HHAT: variants seen among roughly 807,000 people sequenced by gnomAD.
The protein encoded by HHAT is protein-cysteine N-palmitoyltransferase HHAT.
Under a neutral mutation model 70.8 loss-of-function variants are expected in HHAT, and 47 were observed. That is an observed-to-expected ratio of 0.66 (90% CI 0.53 to 0.85). The LOEUF (loss-of-function observed/expected upper bound fraction) is 0.85, where lower values mean the gene tolerates loss of function less well. HHAT is among the 40% of genes least tolerant of loss of function. The pLI is 0.00. For synonymous variants in HHAT, 228 were observed against 247.6 expected (o/e 0.92, Z 0.74); for missense variants, 609 against 604.8 (o/e 1.01, Z -0.07).
chr1:210,474,041 C>A (rs570096949), intron 8 of HHAT, among the ~76,000 whole-genome samples: 1 of 152,258 alleles, frequency 6.6e-6, no homozygotes, highest in South Asian at 2.1e-4. Context: ...TGCCTTTAGT[C>A]ATCAGCTGAG....
intron 9 of HHAT, among the ~76,000 whole-genome samples, chr1:210,549,907 T>C (rs1352637956): frequency 6.7e-6 from 1 of 148,790 alleles, no homozygotes. Context: ...CTCACTTGCA[T>C]TCTGCCTTTC....
chr1:210,497,816 A>T lies in HHAT; in HGVS notation c.1008-15337A>T, dbSNP rs7515347. ...AGTCTGGCTCTGTTGCCCAGGCTGG[A>T]GTGCAGTGGCGCAATCTTGACTCAC... On this transcript the variant is annotated intron_variant, in intron 8 of 11. Coordinates refer to ENST00000261458, the MANE Select transcript of HHAT (RefSeq NM_018194.6). Among the ~76,000 whole-genome samples, 1,245 of 147,684 alleles carry T rather than the reference A, an allele frequency of 8.4e-3. 22 individuals are homozygous for T. The highest frequency in any genetic ancestry group is 0.03 in the African/African-American group (1,168 of 39,570).
chr1:210,516,722 G>C (rs1023084367), intron 9 of HHAT, among the ~76,000 whole-genome samples: 1 of 149,112 alleles, frequency 6.7e-6, no homozygotes, highest in South Asian at 2.1e-4. Flanking sequence ...TGTATTGAAT[G>C]CTTAGTGTTT....
chr1:210,418,066 T>G, intron 6 of HHAT, 88 bp from the exon 7 acceptor site: 1 of 1,256,248 alleles, frequency 8.0e-7, no homozygotes, highest in Non-Finnish European at 1.2e-6. Context: ...AGCAATAATA[T>G]TTGTGGGAAG....
chr1:210,430,374 T>G (rs7556076), intron 7 of HHAT, among the ~76,000 whole-genome samples: 127,072 of 151,662 alleles, frequency 0.84, 53,458 homozygotes, highest in African/African-American at 0.86. Context: ...TACTACAGGG[T>G]TGTTATTGTT....
chr1:210,492,845 A>G (rs2094572769), intron 8 of HHAT, among the ~76,000 whole-genome samples: 1 of 152,130 alleles, frequency 6.6e-6, no homozygotes, highest in Admixed American at 6.6e-5. Context: ...TGATCTCTGA[A>G]TTCTACTCTG....
At chr1:210,629,614 G>A (rs904654088) in intron 11 of HHAT, among the ~76,000 whole-genome samples, 4 of 152,222 alleles carry the variant, frequency 2.6e-5, no homozygotes, top group East Asian at 1.9e-4. Flanking sequence ...TAAAGTCAAG[G>A]TGTTGGCAAG....
chr1:210,388,912 G>C (rs868780230), intron 4 of HHAT, among the ~76,000 whole-genome samples: 4 of 152,084 alleles, frequency 2.6e-5, no homozygotes, highest in Non-Finnish European at 4.4e-5. Context: ...CTCTGTGAGG[G>C]GAAGATGATG....
intron 7 of HHAT, among the ~76,000 whole-genome samples, chr1:210,432,435 A>C (rs1007448877): frequency 6.6e-6 from 1 of 151,942 alleles, no homozygotes; most frequent in Non-Finnish European, 1.5e-5. Context: ...GCTGCGTAAG[A>C]GGGGATTTAA....
intron 11 of HHAT, among the ~76,000 whole-genome samples, chr1:210,672,505 G>C (rs1680294244): frequency 6.6e-6 from 1 of 152,198 alleles, no homozygotes; most frequent in Non-Finnish European, 1.5e-5. Flanking sequence ...AATGTGCTCT[G>C]TGCATTCCAT....
chr1:210,652,412 C>G lies in HHAT; in HGVS notation c.1391-21876C>G, dbSNP rs143254510. Among the ~76,000 whole-genome samples the G allele has an allele frequency of 3.9e-4, 60 of 152,262 alleles. No individual in the cohort carries two copies. In the East Asian group the frequency reaches 0.011, roughly 28 times the overall value. ...TTGATTTCCTCGCTTAATAAAGATT[C>G]AGAAACAGTGAAATTTGAGCTGCTA... On this transcript the variant is annotated intron_variant, in intron 11 of 11. Transcript: ENST00000261458.
At chr1:210,393,989 C>T (rs935435498) in intron 4 of HHAT, among the ~76,000 whole-genome samples, 11 of 152,280 alleles carry the variant, frequency 7.2e-5, no homozygotes, top group Admixed American at 1.3e-4. Flanking sequence ...GGTACTTACT[C>T]AGAGTGGAAG....
chr1:210,345,351 A>G (rs1433867762), intron 1 of HHAT, among the ~76,000 whole-genome samples: 2 of 151,888 alleles, frequency 1.3e-5, no homozygotes, highest in African/African-American at 2.4e-5. Context: ...AATGCATGAC[A>G]AAAAAAATGT....
intron 9 of HHAT, 21 bp downstream of exon 9, chr1:210,513,209 T>G (rs770386556): frequency 8.0e-7 from 1 of 1,255,588 alleles, no homozygotes; most frequent in South Asian, 1.2e-5. Context: ...AATTTTTATT[T>G]TAGATAACAT....
intron 9 of HHAT, among the ~76,000 whole-genome samples, chr1:210,564,642 G>A (rs970823833): frequency 6.6e-6 from 1 of 152,332 alleles, no homozygotes; most frequent in South Asian, 2.1e-4. Flanking sequence ...CTAAAGGTAA[G>A]GAGTACAGTA....
chr1:210,496,010 C>CAAAAAAAAAAAAAAAAAAAAAAAA (rs10639399), intron 8 of HHAT, among the ~76,000 whole-genome samples: 1 of 67,960 alleles, frequency 1.5e-5, no homozygotes, highest in Non-Finnish European at 2.5e-5. Flanking sequence ...AACTCTATCT[C>CAAAAAAAAAAAAAAAAAAAAAAAA]AAAAAAAAAA....
At position 210,480,261 on chromosome 1, in the gene HHAT, A is replaced by G. The variant is rs151164112; in HGVS notation, c.1007+15606A>G. 3.7e-3 allele frequency among the ~76,000 whole-genome samples: 564 copies of G among 152,330 alleles called. 6 individuals carry two copies. Among genetic ancestry groups the G allele is most frequent in the African/African-American group, 0.013 (548 of 41,574 alleles). On this transcript the variant is annotated intron_variant, in intron 8 of 11. Transcript: ENST00000261458. ...GGATTGAGAGAGACCTCACCTCCGT[A>G]TTGAAATCCCACGGACAGACTGCAA...
intron 9 of HHAT, among the ~76,000 whole-genome samples, chr1:210,580,502 C>G (rs1403762116): frequency 1.5e-5 from 2 of 130,360 alleles, no homozygotes; most frequent in Non-Finnish European, 3.2e-5. Flanking sequence ...CCCCCCACCC[C>G]CCAGCAGGCC....
intron 9 of HHAT, among the ~76,000 whole-genome samples, chr1:210,581,792 G>A (rs529308063): frequency 1.3e-5 from 2 of 152,214 alleles, no homozygotes; most frequent in South Asian, 4.2e-4. Flanking sequence ...TTTCATTTCT[G>A]TTGCTTATAA....
Sources: gnomAD v4.1 joint callset for allele counts (sites outside exome capture counted in the v4.1 genomes callset) on GRCh38, gnomAD v4.1.1 for gene constraint, MANE v1.5 for transcripts, NCBI Gene and HGNC (gene_info 2026-07-23, HGNC 2026-07-21) for gene names.